CAMTA1: variants seen among roughly 807,000 people sequenced by gnomAD.
The protein encoded by CAMTA1 is calmodulin binding transcription activator 1.
In CAMTA1, 27 loss-of-function variants were observed where a neutral mutation model predicts 170.9. The ratio of observed to expected loss-of-function variants is 0.16; its 90% CI spans 0.12 to 0.22. The LOEUF (loss-of-function observed/expected upper bound fraction) is 0.22. Among genes scored for constraint, CAMTA1 ranks in the 10% least tolerant of loss-of-function variants. The pLI is 1.00. For synonymous variants in CAMTA1, 833 were observed against 891.5 expected (o/e 0.93, Z 1.17); for missense variants, 1,619 against 2,217.2 (o/e 0.73, Z 5.42).
chr1:7,325,850 T>G lies in CAMTA1; in HGVS notation c.438+76224T>G, dbSNP rs1401559853. On this transcript the variant is annotated intron_variant, in intron 5 of 22. Coordinates refer to ENST00000303635, the MANE Select transcript of CAMTA1 (RefSeq NM_015215.4). This position sits in a 1 kb window ranked among gnomAD's most constrained non-coding sequence, Gnocchi z 5.0. ...GGTTTGGTTTGTTGTTGGTGGGTTT[T>G]TTTGTTTGTTTGTTTGTTTGTTTTA... 6.6e-6 allele frequency among the ~76,000 whole-genome samples: 1 copy of G among 151,606 alleles called. No individual in the cohort carries two copies. The highest frequency in any genetic ancestry group is 1.9e-4 in the East Asian group (1 of 5,168).
intron 3 of CAMTA1, among the ~76,000 whole-genome samples, chr1:6,958,367 G>A (rs1212504395): frequency 2.0e-5 from 3 of 152,188 alleles, no homozygotes; most frequent in Admixed American, 6.5e-5. Flanking sequence ...ATTGCAGAGC[G>A]TCTCATCCGC....
At chr1:7,711,677 T>TCCA (rs1577102578) in intron 11 of CAMTA1, among the ~76,000 whole-genome samples, 1 of 152,360 alleles carries the variant, frequency 6.6e-6, no homozygotes, top group East Asian at 1.9e-4. Context: ...CTTAGTATTA[T>TCCA]ACACTGTGGT....
At position 6,954,449 on chromosome 1, in the gene CAMTA1, T is replaced by C. The variant is rs1216102038; in HGVS notation, c.234+129239T>C. On this transcript the variant is annotated intron_variant, in intron 3 of 22. Coordinates refer to ENST00000303635, the MANE Select transcript of CAMTA1 (RefSeq NM_015215.4). ...CCCCTTTGTCCCACGAGTTCCAGTA[T>C]TTCATTATCCAAAGTGGATCTCCTA... is the stretch of plus-strand genomic sequence containing the variant. Among the ~76,000 whole-genome samples, 3 of 152,218 alleles carry C rather than the reference T, an allele frequency of 2.0e-5. No homozygotes were observed. The East Asian group carries it at 5.8e-4, about 29-fold the overall frequency.
intron 5 of CAMTA1, chr1:7,441,465 G>A (rs1343245746): frequency 6.6e-6 from 1 of 152,350 alleles, no homozygotes; most frequent in African/African-American, 2.4e-5. Flanking sequence ...CTGTGGTGGA[G>A]GAGATGAGAG....
intron 4 of CAMTA1, among the ~76,000 whole-genome samples, chr1:7,140,360 A>C (rs190240097): frequency 1.1e-4 from 16 of 152,332 alleles, no homozygotes; most frequent in African/African-American, 3.8e-4. Context: ...TTTAATTTGC[A>C]CATAACATTA....
At chr1:6,915,682 A>G (rs1366265165) in intron 3 of CAMTA1, among the ~76,000 whole-genome samples, 1 of 152,148 alleles carries the variant, frequency 6.6e-6, no homozygotes, top group Non-Finnish European at 1.5e-5. Flanking sequence ...ATCACAGCAG[A>G]AGCAGCAGCC....
At chr1:7,513,149 G>A (rs1218307036) in intron 6 of CAMTA1, among the ~76,000 whole-genome samples, 1 of 152,196 alleles carries the variant, frequency 6.6e-6, no homozygotes, top group East Asian at 1.9e-4. Flanking sequence ...CCAGGTGGGA[G>A]GTGATGCGGA....
At chr1:6,954,312 T>C (rs2149489788) in intron 3 of CAMTA1, among the ~76,000 whole-genome samples, 1 of 152,316 alleles carries the variant, frequency 6.6e-6, no homozygotes, top group East Asian at 1.9e-4. Flanking sequence ...CCCCAGCTGT[T>C]GTGGGGTTGA....
In CAMTA1 at chr1:7,664,370, T is replaced by C. The variant is rs2095984747; in HGVS notation, c.1823T>C (p.Ile608Thr). 1.9e-6 allele frequency: 3 copies of C among 1,613,608 alleles called. No homozygotes were observed. The highest frequency in any genetic ancestry group is 1.1e-5 in the South Asian group (1 of 91,080). Residue 608 changes from isoleucine (I) to threonine (T), a missense_variant, in exon 9 of 23, where the codon ATC becomes ACC. This residue lies in a region of CAMTA1 where 731 missense variants were observed against 907.6 expected (regional missense o/e 0.81). Coordinates refer to ENST00000303635, the MANE Select transcript of CAMTA1 (RefSeq NM_015215.4). ...AGCCAGACGGGCCACAGCCCCCACA[T>C]CCACCAGACCCCCTCCCCGAGCTTC... ...SFSQTGHSPH[I>T]HQTPSPSFFL...
intron 3 of CAMTA1, among the ~76,000 whole-genome samples, chr1:6,995,114 T>G (rs1421379429): frequency 6.6e-6 from 1 of 152,060 alleles, no homozygotes; most frequent in African/African-American, 2.4e-5. Flanking sequence ...ATGTTTTTGT[T>G]TTTTTAAAAA....
rs1252113508 is a variant in CAMTA1 at position 7,674,589 on chromosome 1, ACCGACATGGTGAAACC to A, written c.2780-3006_2780-2991del. 1.3e-5 allele frequency among the ~76,000 whole-genome samples: 2 copies of A among 151,708 alleles called. No individual in the cohort carries two copies. The highest frequency in any genetic ancestry group is 2.9e-5 in the Non-Finnish European group (2 of 67,888). Reference sequence around the variant, plus strand: ...AAGTCAGGAGTTCGAGACCAGCCTGACCGACATGGTGAAACCCCGTCTCTACTAAAAATACAAAAAT... The same window carrying A: ...AAGTCAGGAGTTCGAGACCAGCCTGACCGTCTCTACTAAAAATACAAAAAT... On this transcript the variant is annotated intron_variant, in intron 10 of 22. Transcript: ENST00000303635. The surrounding 1 kb of genome is among the most constrained non-coding windows in gnomAD (Gnocchi z 4.1).
chr1:7,475,668 C>T (rs1049934489), intron 6 of CAMTA1, among the ~76,000 whole-genome samples: 1 of 152,174 alleles, frequency 6.6e-6, no homozygotes, highest in Non-Finnish European at 1.5e-5. Context: ...CCTGGCCGTG[C>T]GTGACGGCCA....
intron 3 of CAMTA1, among the ~76,000 whole-genome samples, chr1:7,081,843 G>C (rs1475291905): frequency 2.0e-5 from 3 of 152,200 alleles, no homozygotes; most frequent in Non-Finnish European, 2.9e-5. Flanking sequence ...TTAAACATTG[G>C]CAGATAAGCC....
chr1:7,124,454 G>A (rs555822671), intron 4 of CAMTA1, among the ~76,000 whole-genome samples: 14 of 152,312 alleles, frequency 9.2e-5, no homozygotes, highest in African/African-American at 2.9e-4. Context: ...ATCAGAGTAC[G>A]TCATTCCTTC....
chr1:7,174,468 C>T (rs1465292115), intron 4 of CAMTA1, among the ~76,000 whole-genome samples: 1 of 152,176 alleles, frequency 6.6e-6, no homozygotes, highest in Non-Finnish European at 1.5e-5. Flanking sequence ...TCACTGTTTG[C>T]AAGTGCCTTG....
chr1:7,170,865 G>A (rs1159452607), intron 4 of CAMTA1, among the ~76,000 whole-genome samples: 3 of 152,128 alleles, frequency 2.0e-5, no homozygotes, highest in Non-Finnish European at 4.4e-5. Flanking sequence ...TATGATGCTA[G>A]CGGTTTTGAA....
intron 4 of CAMTA1, among the ~76,000 whole-genome samples, chr1:7,143,017 G>C (rs12081791): frequency 0.23 from 34,828 of 152,126 alleles, 4,265 homozygotes; most frequent in Middle Eastern, 0.39. Context: ...GGGGAACCTG[G>C]ATCTAGACTT....
rs140088688 is a variant in CAMTA1, at chr1:7,220,024, A to T, written c.303-29467A>T. Among the ~76,000 whole-genome samples, 19 of 152,240 alleles carry T rather than the reference A, an allele frequency of 1.2e-4. No individual in the cohort carries two copies. The East Asian group carries it at 3.7e-3, about 29-fold the overall frequency. ...TTGATCTCAGACTTCCCGTCTCCAG[A>T]CCTGTGAGACATAAATGTCTGCTGT... is the stretch of plus-strand genomic sequence containing the variant. On this transcript the variant is annotated intron_variant, in intron 4 of 22. Transcript: ENST00000303635.
chr1:7,025,481 C>T (rs1176125445), intron 3 of CAMTA1, among the ~76,000 whole-genome samples: 1 of 152,176 alleles, frequency 6.6e-6, no homozygotes, highest in Non-Finnish European at 1.5e-5. Flanking sequence ...TCTCGCCAGC[C>T]CCTCTGGCCT....
Sources: gnomAD v4.1 joint callset for allele counts (sites outside exome capture counted in the v4.1 genomes callset) on GRCh38, gnomAD v4.1.1 for gene constraint, gnomAD v4.1.1 regional missense constraint, Gnocchi (gnomAD v3.1) non-coding constraint, MANE v1.5 for transcripts, NCBI Gene and HGNC (gene_info 2026-07-23, HGNC 2026-07-21) for gene names.